The following CNOT4 variants were observed in gnomAD, a reference collection of about 807,000 sequenced individuals.
CNOT4 encodes the protein CCR4-associated factor 4.
In CNOT4, 8 loss-of-function variants were observed where a neutral mutation model predicts 73.8. The ratio of observed to expected loss-of-function variants is 0.11; its 90% CI spans 0.06 to 0.20. The LOEUF is 0.20. Among genes scored for constraint, CNOT4 ranks in the 10% least tolerant of loss-of-function variants. CNOT4 has a pLI of 1.00. For missense variants in CNOT4, 564 were observed against 883.4 expected, an observed-to-expected ratio of 0.64 and a Z score of 4.58; for synonymous variants, 293 against 321.1, an observed-to-expected ratio of 0.91 and a Z score of 0.94.
At chr7:135,380,468 T>C (rs1444487233) in intron 10 of CNOT4, among the ~76,000 whole-genome samples, 1 of 152,218 alleles carries the variant, frequency 6.6e-6, no homozygotes, top group Non-Finnish European at 1.5e-5. Context: ...TTTCCCCTGC[T>C]AAAGTTACTC....
At chr7:135,481,305 A>T (rs2129487243) in intron 1 of CNOT4, among the ~76,000 whole-genome samples, 1 of 152,286 alleles carries the variant, frequency 6.6e-6, no homozygotes, top group South Asian at 2.1e-4. Context: ...TAAAAGACAT[A>T]AAAATGGCCA....
intron 3 of CNOT4, among the ~76,000 whole-genome samples, chr7:135,419,806 G>A (rs1798076928): frequency 6.6e-6 from 1 of 151,892 alleles, no homozygotes; most frequent in Non-Finnish European, 1.5e-5. Context: ...ACTTTGGGGG[G>A]CCGAGGCAGG....
At chr7:135,459,712 G>A (rs1261793758) in intron 1 of CNOT4, among the ~76,000 whole-genome samples, 1 of 152,276 alleles carries the variant, frequency 6.6e-6, no homozygotes, top group East Asian at 1.9e-4. Context: ...TTTCAGAATA[G>A]TCCATGAGCA....
chr7:135,501,422 T>C (rs565812299), intron 1 of CNOT4, among the ~76,000 whole-genome samples: 13 of 152,304 alleles, frequency 8.5e-5, no homozygotes, highest in South Asian at 8.3e-4. Flanking sequence ...CTTCAAAACC[T>C]TGGTGTCACT....
At chr7:135,430,329 A>G (rs77370294) in intron 2 of CNOT4, among the ~76,000 whole-genome samples, 3,411 of 152,320 alleles carry the variant, frequency 0.022, 125 homozygotes, top group African/African-American at 0.07. Flanking sequence ...ATCTTTGAGA[A>G]GAAAAGGTGA....
At chr7:135,464,582 T>C (rs977538145) in intron 1 of CNOT4, among the ~76,000 whole-genome samples, 7 of 152,066 alleles carry the variant, frequency 4.6e-5, no homozygotes, top group African/African-American at 1.4e-4. Context: ...AAAAGATAAC[T>C]GTTGGGTACT....
intron 1 of CNOT4, among the ~76,000 whole-genome samples, chr7:135,448,276 G>C (rs766469256): frequency 1.3e-5 from 2 of 152,180 alleles, no homozygotes; most frequent in Non-Finnish European, 2.9e-5. Flanking sequence ...TGAGTGTGGT[G>C]GCTCACGCCT....
At chr7:135,456,662 A>G (rs1252305530) in intron 1 of CNOT4, among the ~76,000 whole-genome samples, 2 of 152,086 alleles carry the variant, frequency 1.3e-5, no homozygotes, top group Non-Finnish European at 2.9e-5. Context: ...CATTTATTTT[A>G]AATCATGTCT....
chr7:135,466,697 G>C (rs895221746), intron 1 of CNOT4, among the ~76,000 whole-genome samples: 1 of 152,094 alleles, frequency 6.6e-6, no homozygotes, highest in Admixed American at 6.5e-5. Context: ...CATTCATGGT[G>C]AATGCCCTAA....
chr7:135,442,239 C>A (rs1799521454), intron 1 of CNOT4, among the ~76,000 whole-genome samples: 2 of 152,124 alleles, frequency 1.3e-5, no homozygotes, highest in Admixed American at 1.3e-4. Context: ...TCCAAAATAC[C>A]CTTGCCCAAA....
intron 1 of CNOT4, among the ~76,000 whole-genome samples, chr7:135,445,306 A>C (rs1799755455): frequency 6.6e-6 from 1 of 152,244 alleles, no homozygotes; most frequent in Non-Finnish European, 1.5e-5. Flanking sequence ...CCTGGGAATA[A>C]TGGACAAAGG....
intron 1 of CNOT4, among the ~76,000 whole-genome samples, chr7:135,494,791 C>T (rs1803357084): frequency 6.6e-6 from 1 of 152,128 alleles, no homozygotes; most frequent in Admixed American, 6.6e-5. Flanking sequence ...AGTAAGTAGA[C>T]ATCCAAAGTT....
rs187034434 is a variant in CNOT4, at chr7:135,401,921, G to T, written c.822-3695C>A. Among the ~76,000 whole-genome samples the T allele has an allele frequency of 1.3e-3, 205 of 152,184 alleles. 1 individual carries two copies. In the East Asian group the frequency reaches 0.027, roughly 20 times the overall value. ...ATTGAAAAGTACTGGATTCAAGTGG[G>T]ACTAAGAAATACTAATAGGTAATCT... On this transcript the variant is annotated intron_variant, in intron 7 of 11. Transcript: ENST00000541284.
intron 10 of CNOT4, among the ~76,000 whole-genome samples, chr7:135,390,054 A>C (rs1373661891): frequency 6.6e-6 from 1 of 152,122 alleles, no homozygotes; most frequent in Non-Finnish European, 1.5e-5. Flanking sequence ...AAGTCGATAC[A>C]CTTTATTCTA....
chr7:135,388,213 A>G (rs1252563826), intron 10 of CNOT4: 1 of 984,984 alleles, frequency 1.0e-6, no homozygotes, highest in Non-Finnish European at 1.2e-6. Context: ...AAAGTGCAAA[A>G]GAGAGAGAAC....
At chr7:135,478,532 T>G (rs1802143946) in intron 1 of CNOT4, among the ~76,000 whole-genome samples, 2 of 152,074 alleles carry the variant, frequency 1.3e-5, no homozygotes. Context: ...GGAGACCCTG[T>G]CTTTACAAAA....
At chr7:135,476,217 G>A (rs527919718) in intron 1 of CNOT4, among the ~76,000 whole-genome samples, 6 of 152,218 alleles carry the variant, frequency 3.9e-5, no homozygotes, top group South Asian at 4.1e-4. Context: ...TATCTTCAAC[G>A]AAACTGGGAG....
intron 1 of CNOT4, among the ~76,000 whole-genome samples, chr7:135,454,427 G>C (rs558162104): frequency 1.3e-5 from 2 of 151,978 alleles, no homozygotes; most frequent in Non-Finnish European, 2.9e-5. Flanking sequence ...GCCAAGGCAG[G>C]TGGATCGCTT....
intron 2 of CNOT4, among the ~76,000 whole-genome samples, chr7:135,431,822 T>TA (rs1393049587): frequency 6.6e-6 from 1 of 152,080 alleles, no homozygotes; most frequent in Non-Finnish European, 1.5e-5. Flanking sequence ...GCTGTACTAT[T>TA]ATGTATACTG....
Sources: allele counts gnomAD v4.1 joint callset (sites outside exome capture counted in the v4.1 genomes callset), GRCh38; gene constraint gnomAD v4.1.1; transcripts MANE v1.5; gene names NCBI Gene and HGNC (gene_info 2026-07-23, HGNC 2026-07-21).